Variants in DCC observed in about 807,000 individuals in gnomAD.
DCC encodes the protein netrin receptor DCC.
DCC carries 58 observed loss-of-function variants against 172.5 expected under a neutral mutation model. The ratio of observed to expected loss-of-function variants is 0.34; its 90% CI spans 0.27 to 0.42. The LOEUF is 0.42. Among genes scored for constraint, DCC ranks in the 10% least tolerant of loss-of-function variants. DCC has a pLI of 1.00. For synonymous variants in DCC, 709 were observed against 644.5 expected (o/e 1.10, Z -1.52); for missense variants, 1,740 against 1,791.0 (o/e 0.97, Z 0.51).
chr18:53,474,025 T>G (rs1179036718), intron 25 of DCC, among the ~76,000 whole-genome samples: 2 of 141,998 alleles, frequency 1.4e-5, no homozygotes, highest in African/African-American at 2.5e-5. Context: ...TTAATTTTTG[T>G]TATTTTTGTA....
intron 27 of DCC, among the ~76,000 whole-genome samples, chr18:53,510,898 G>A (rs1002998804): frequency 6.6e-6 from 1 of 152,068 alleles, no homozygotes; most frequent in African/African-American, 2.4e-5. Flanking sequence ...CTCTAAGATT[G>A]TCTGGCCTGT....
intron 1 of DCC, among the ~76,000 whole-genome samples, chr18:52,561,741 GT>G (rs1165103361): frequency 6.6e-6 from 1 of 152,090 alleles, no homozygotes; most frequent in Non-Finnish European, 1.5e-5. Flanking sequence ...TCACTTCGCG[GT>G]GGGTTTTACA....
intron 9 of DCC, among the ~76,000 whole-genome samples, chr18:53,191,097 T>A (rs1430513182): frequency 6.6e-6 from 1 of 152,160 alleles, no homozygotes; most frequent in African/African-American, 2.4e-5. Flanking sequence ...AACTCTCAGT[T>A]GAATTTCTTG....
intron 5 of DCC, among the ~76,000 whole-genome samples, chr18:53,057,257 G>C (rs1173129448): frequency 6.6e-6 from 1 of 151,882 alleles, no homozygotes; most frequent in Non-Finnish European, 1.5e-5. Flanking sequence ...CAAATGGGTA[G>C]TCATGGCATA....
At chr18:52,355,256 A>C (rs1984308573) in intron 1 of DCC, among the ~76,000 whole-genome samples, 1 of 152,160 alleles carries the variant, frequency 6.6e-6, no homozygotes, top group Non-Finnish European at 1.5e-5. Context: ...CTTGTGTTTC[A>C]AAGCACTGAT....
chr18:53,159,606 A>G (rs1055494204), intron 8 of DCC, among the ~76,000 whole-genome samples: 5 of 152,196 alleles, frequency 3.3e-5, no homozygotes, highest in African/African-American at 1.2e-4. Flanking sequence ...ATATATGCAC[A>G]TGGAACTTCA....
intron 1 of DCC, among the ~76,000 whole-genome samples, chr18:52,712,754 C>T (rs1024099238): frequency 1.3e-5 from 2 of 152,192 alleles, no homozygotes; most frequent in Non-Finnish European, 2.9e-5. Context: ...TTCATTCATA[C>T]ACCAATCGAT....
intron 1 of DCC, among the ~76,000 whole-genome samples, chr18:52,737,507 G>T (rs902907916): frequency 6.6e-6 from 1 of 152,152 alleles, no homozygotes; most frequent in Non-Finnish European, 1.5e-5. Context: ...TCCTGTGGGA[G>T]CTTTTTAGGA....
chr18:52,513,653 A>C (rs1349982246), intron 1 of DCC, among the ~76,000 whole-genome samples: 2 of 152,134 alleles, frequency 1.3e-5, no homozygotes, highest in African/African-American at 2.4e-5. Context: ...CAGAATGCAA[A>C]CCAAGGTCTT....
chr18:52,690,250 T>C (rs142582924), intron 1 of DCC, among the ~76,000 whole-genome samples: 2 of 152,208 alleles, frequency 1.3e-5, no homozygotes, highest in Non-Finnish European at 2.9e-5. Context: ...ACTGTGGGGA[T>C]ATAGAGAAAA....
chr18:53,203,030 T>C (rs1398925041), intron 9 of DCC, among the ~76,000 whole-genome samples: 1 of 152,126 alleles, frequency 6.6e-6, no homozygotes, highest in Non-Finnish European at 1.5e-5. Flanking sequence ...ATTGGTCAGT[T>C]GCCAAAATGC....
intron 12 of DCC, among the ~76,000 whole-genome samples, chr18:53,281,596 A>C (rs1408062651): frequency 6.6e-6 from 1 of 152,122 alleles, no homozygotes; most frequent in East Asian, 1.9e-4. Flanking sequence ...AACTGACTTC[A>C]TATTCCTTTT....
intron 14 of DCC, among the ~76,000 whole-genome samples, chr18:53,328,427 A>G (rs532086452): frequency 2.5e-4 from 38 of 152,302 alleles, no homozygotes; most frequent in African/African-American, 8.2e-4. Context: ...TTTTGTGAGA[A>G]TTAACTATGA....
At chr18:53,172,137 G>A (rs2055023403) in intron 8 of DCC, among the ~76,000 whole-genome samples, 1 of 152,094 alleles carries the variant, frequency 6.6e-6, no homozygotes, top group African/African-American at 2.4e-5. Context: ...ATACTATGCA[G>A]CCTTAACAAG....
chr18:53,107,468 G>C (rs989404886), intron 7 of DCC, among the ~76,000 whole-genome samples: 3 of 141,228 alleles, frequency 2.1e-5, no homozygotes, highest in African/African-American at 8.0e-5. Context: ...CTATAGAAGA[G>C]AATTGTGTCT....
intron 1 of DCC, among the ~76,000 whole-genome samples, chr18:52,741,304 T>C (rs2036818727): frequency 6.6e-6 from 1 of 152,188 alleles, no homozygotes; most frequent in Non-Finnish European, 1.5e-5. Flanking sequence ...ACCTGAACAA[T>C]GGAAATAGCC....
chr18:52,397,025 C>T (rs1986256542), intron 1 of DCC, among the ~76,000 whole-genome samples: 1 of 151,988 alleles, frequency 6.6e-6, no homozygotes, highest in Non-Finnish European at 1.5e-5. Flanking sequence ...AGGTATTTTC[C>T]TTTAGAAAAA....
At chr18:53,026,251 AT>A (rs1251949849) in intron 5 of DCC, among the ~76,000 whole-genome samples, 1 of 152,096 alleles carries the variant, frequency 6.6e-6, no homozygotes, top group Non-Finnish European at 1.5e-5. Flanking sequence ...AGAAAATTTA[AT>A]GCTCTGTCAC....
intron 5 of DCC, among the ~76,000 whole-genome samples, chr18:53,060,128 C>T (rs1456520069): frequency 2.6e-5 from 4 of 152,096 alleles, no homozygotes; most frequent in Non-Finnish European, 4.4e-5. Context: ...CTCAGCCTCC[C>T]AAATACCTGG....
Sources: allele counts gnomAD v4.1 joint callset (sites outside exome capture counted in the v4.1 genomes callset), GRCh38; gene constraint gnomAD v4.1.1; transcripts MANE v1.5; gene names NCBI Gene and HGNC (gene_info 2026-07-23, HGNC 2026-07-21).